AP2B1: variants seen among roughly 807,000 people sequenced by gnomAD.
The protein encoded by AP2B1 is AP-2 complex subunit beta.
Under a neutral mutation model 102.0 loss-of-function variants are expected in AP2B1, and 23 were observed. The ratio of observed to expected loss-of-function variants is 0.23; its 90% CI spans 0.16 to 0.32. The LOEUF is 0.32. Among genes scored for constraint, AP2B1 ranks in the 10% least tolerant of loss-of-function variants. The probability of loss-of-function intolerance (pLI) is 1.00; values close to 1 mark genes in which losing one functional copy is unlikely to be tolerated. For missense variants in AP2B1, 541 were observed against 1,157.4 expected (o/e 0.47, Z 7.73); for synonymous variants, 381 against 421.2 (o/e 0.90, Z 1.17).
chr17:35,602,631 A>G (rs1236900043), intron 3 of AP2B1, among the ~76,000 whole-genome samples: 9 of 152,242 alleles, frequency 5.9e-5, no homozygotes. Context: ...AAAATTATTA[A>G]TGAGATATTT....
chr17:35,608,291 C>CTGCG lies in AP2B1; in HGVS notation c.432_435dup (p.Ala146ArgfsTer6). The CTGCG allele has an allele frequency of 6.2e-7, 1 of 1,614,178 alleles. No individual in the cohort carries two copies. The highest frequency in any genetic ancestry group is 8.5e-7 in the Non-Finnish European group (1 of 1,180,038). The stretch of plus-strand genomic sequence containing the variant: ...CCTATGTTCGGAAAACAGCAGCAGT[C>CTGCG]TGCGTGGCAAAACTCCATGATATCA... On this transcript the variant is annotated frameshift_variant, in exon 5 of 22. Coordinates refer to ENST00000610402, the MANE Select transcript of AP2B1 (RefSeq NM_001030006.2). LOFTEE classifies it high-confidence loss of function.
chr17:35,602,774 G>A (rs1055651299), intron 3 of AP2B1, among the ~76,000 whole-genome samples: 10 of 152,128 alleles, frequency 6.6e-5, no homozygotes, highest in Non-Finnish European at 1.0e-4. Context: ...GGAAAGTTCA[G>A]GTTTCTAGTT....
chr17:35,643,847 A>G (rs1417682632), intron 12 of AP2B1, among the ~76,000 whole-genome samples: 1 of 152,170 alleles, frequency 6.6e-6, no homozygotes, highest in African/African-American at 2.4e-5. Flanking sequence ...ATGAAGCCCC[A>G]TCAAATTTCT....
At chr17:35,639,819 A>T in intron 11 of AP2B1, 59 bp downstream of exon 11, 2 of 1,506,528 alleles carry the variant, frequency 1.3e-6, no homozygotes, top group Non-Finnish European at 1.8e-6. Context: ...GAGATTTCAG[A>T]GAAAGCAAAG....
intron 21 of AP2B1, among the ~76,000 whole-genome samples, chr17:35,721,406 A>G (rs187084702): frequency 6.6e-6 from 1 of 152,314 alleles, no homozygotes; most frequent in East Asian, 1.9e-4. Context: ...AGGAATTAGC[A>G]GTTGGAAAGT....
chr17:35,642,132 G>A (rs771575389), intron 12 of AP2B1, among the ~76,000 whole-genome samples, 157 bp downstream of exon 12: 6 of 152,174 alleles, frequency 3.9e-5, no homozygotes, highest in Non-Finnish European at 5.9e-5. Flanking sequence ...CTTTTTACGT[G>A]TTCAACTGAA....
chr17:35,632,226 C>T (rs141079407), intron 9 of AP2B1, among the ~76,000 whole-genome samples: 1,524 of 152,110 alleles, frequency 0.01, 20 homozygotes, highest in African/African-American at 0.035. Context: ...CCTCTGCCTC[C>T]TGGGTTCAAG....
chr17:35,723,478 A>G (rs1164796579), intron 21 of AP2B1, 147 bp from the exon 22 acceptor site: 1 of 604,906 alleles, frequency 1.7e-6, no homozygotes, highest in Non-Finnish European at 3.0e-6. Flanking sequence ...CACAGCACTT[A>G]TTAACATAAT....
At chr17:35,710,428 T>C in intron 20 of AP2B1, 108 bp downstream of exon 20, 1 of 730,456 alleles carries the variant, frequency 1.4e-6, no homozygotes, top group Non-Finnish European at 2.3e-6. Context: ...GTATCTACTA[T>C]GTTTCTAGTG....
Position 35,627,385 on chromosome 17 carries a change from G to T in AP2B1, c.939G>T (p.Arg313Ser). The T allele has an allele frequency of 1.2e-6, 2 of 1,611,848 alleles. No individual in the cohort carries two copies. Among genetic ancestry groups the T allele is most frequent in the Non-Finnish European group, 8.5e-7 (1 of 1,179,722 alleles). Residue 313 changes from arginine to serine, a missense_variant and splice_region_variant, in exon 8 of 22, where the codon AGG becomes AGT. By Grantham distance (110) the Arg-to-Ser change is moderately radical. Around this residue, in one of 10 missense-constraint regions of AP2B1, gnomAD observed 134 missense variants for 250.2 expected, o/e 0.54. Transcript: ENST00000610402. Reference sequence around the variant, plus strand: ...TTTCTTCTGTTTCTGTGTACCCTAGGCCTGAAATCTTGAAGCAGGAAATCA... The same window carrying T: ...TTTCTTCTGTTTCTGTGTACCCTAGTCCTGAAATCTTGAAGCAGGAAATCA... ...LRNINLIVQK[R>S]PEILKQEIKV...
At chr17:35,708,613 T>G (rs2076390196) in intron 18 of AP2B1, among the ~76,000 whole-genome samples, 2 of 152,136 alleles carry the variant, frequency 1.3e-5, no homozygotes, top group African/African-American at 4.8e-5. Flanking sequence ...TTTCCAACCA[T>G]AAGACCTGGG....
chr17:35,688,310 GT>G (rs1567988155), intron 18 of AP2B1, among the ~76,000 whole-genome samples: 1 of 152,102 alleles, frequency 6.6e-6, no homozygotes, highest in Non-Finnish European at 1.5e-5. Context: ...TTCATACTAG[GT>G]TAGGAATCAT....
chr17:35,691,448 C>T (rs767858210), intron 18 of AP2B1, among the ~76,000 whole-genome samples: 7 of 152,220 alleles, frequency 4.6e-5, no homozygotes, highest in Admixed American at 2.0e-4. Flanking sequence ...ACCTTTTCAG[C>T]GCTCCCATCA....
chr17:35,696,608 C>T (rs2076146650), intron 18 of AP2B1, among the ~76,000 whole-genome samples: 1 of 151,598 alleles, frequency 6.6e-6, no homozygotes, highest in South Asian at 2.1e-4. Flanking sequence ...AGGCTGGTCT[C>T]GAACAACTAA....
chr17:35,593,424 A>G (rs1174505765), intron 1 of AP2B1, among the ~76,000 whole-genome samples: 1 of 138,492 alleles, frequency 7.2e-6, no homozygotes, highest in Non-Finnish European at 1.5e-5. Flanking sequence ...ATACGCACCT[A>G]CTAAATACCC....
intron 14 of AP2B1, among the ~76,000 whole-genome samples, chr17:35,666,725 A>G (rs2075473609): frequency 1.3e-5 from 2 of 152,138 alleles, no homozygotes; most frequent in Non-Finnish European, 2.9e-5. Flanking sequence ...CCTGTCTCCT[A>G]CCAGCTCACT....
chr17:35,608,927 T>C (rs577133602), intron 5 of AP2B1, among the ~76,000 whole-genome samples: 1 of 152,360 alleles, frequency 6.6e-6, no homozygotes, highest in East Asian at 1.9e-4. Flanking sequence ...TTTTAAACTT[T>C]GCTTATATAA....
At chr17:35,685,813 A>G (rs2075918530) in intron 18 of AP2B1, among the ~76,000 whole-genome samples, 1 of 151,908 alleles carries the variant, frequency 6.6e-6, no homozygotes. Flanking sequence ...CCCAGGCTCG[A>G]GTGCAATGGT....
intron 10 of AP2B1, among the ~76,000 whole-genome samples, chr17:35,637,007 T>C (rs938374537): frequency 1.8e-4 from 28 of 152,150 alleles, no homozygotes; most frequent in African/African-American, 5.5e-4. Context: ...CATACAGATA[T>C]ATAAAAAAAA....
Sources: allele counts gnomAD v4.1 joint callset (sites outside exome capture counted in the v4.1 genomes callset), GRCh38; gene constraint gnomAD v4.1.1; regional missense constraint gnomAD v4.1.1; transcripts MANE v1.5; gene names NCBI Gene and HGNC (gene_info 2026-07-23, HGNC 2026-07-21).